Variants in GUCY1A2 observed in about 807,000 individuals in gnomAD.
GUCY1A2 encodes the protein guanylate cyclase 1 soluble subunit alpha 2, also known as guanylate cyclase soluble subunit alpha-2.
GUCY1A2 carries 27 observed loss-of-function variants against 63.5 expected under a neutral mutation model. The ratio of observed to expected loss-of-function variants is 0.43; its 90% CI spans 0.31 to 0.59. The LOEUF (loss-of-function observed/expected upper bound fraction) is 0.59. Among genes scored for constraint, GUCY1A2 ranks in the 20% least tolerant of loss-of-function variants. GUCY1A2 has a pLI of 0.11. For synonymous variants in GUCY1A2, 364 were observed against 343.5 expected (o/e 1.06, Z -0.66); for missense variants, 768 against 913.3 (o/e 0.84, Z 2.05).
intron 4 of GUCY1A2, among the ~76,000 whole-genome samples, chr11:106,908,059 C>T (rs975685906): frequency 1.3e-5 from 2 of 152,032 alleles, no homozygotes; most frequent in African/African-American, 4.8e-5. Context: ...GTATAACACA[C>T]ATCTAAATAT....
At chr11:106,910,531 C>T (rs1423335012) in intron 4 of GUCY1A2, among the ~76,000 whole-genome samples, 2 of 152,070 alleles carry the variant, frequency 1.3e-5, no homozygotes, top group Non-Finnish European at 2.9e-5. Flanking sequence ...ATGACTATGG[C>T]TCCACGACAA....
intron 4 of GUCY1A2, among the ~76,000 whole-genome samples, chr11:106,909,392 C>CGTGTGTGTGTGTGTGTGTGT (rs1408056529): frequency 1.4e-4 from 19 of 135,610 alleles, no homozygotes; most frequent in South Asian, 2.6e-4. Context: ...TGTGTGTGTA[C>CGTGTGTGTGTGTGTGTGTGT]GCTTTTCATT....
chr11:106,827,992 ATC>A, intron 4 of GUCY1A2: 1 of 724,756 alleles, frequency 1.4e-6, no homozygotes, highest in Non-Finnish European at 2.5e-6. Context: ...CCGGTGCCTT[ATC>A]CAGAGAATCC....
intron 6 of GUCY1A2, among the ~76,000 whole-genome samples, chr11:106,766,105 C>T (rs1486656328): frequency 2.6e-5 from 4 of 152,080 alleles, no homozygotes; most frequent in Non-Finnish European, 5.9e-5. Context: ...TACCATATGC[C>T]TGACATGACA....
intron 1 of GUCY1A2, among the ~76,000 whole-genome samples, chr11:107,004,274 T>G (rs937770078): frequency 2.0e-5 from 3 of 152,196 alleles, no homozygotes; most frequent in African/African-American, 7.2e-5. Flanking sequence ...ATTCCAACCT[T>G]ATTTCCGTCA....
At chr11:106,819,610 C>A (rs1161712422) in intron 4 of GUCY1A2, among the ~76,000 whole-genome samples, 1 of 152,112 alleles carries the variant, frequency 6.6e-6, no homozygotes, top group Non-Finnish European at 1.5e-5. Context: ...AAGGTATATA[C>A]ATTTTTCAGA....
intron 6 of GUCY1A2, among the ~76,000 whole-genome samples, chr11:106,761,171 C>T (rs1591265349): frequency 6.6e-6 from 1 of 152,266 alleles, no homozygotes; most frequent in East Asian, 1.9e-4. Flanking sequence ...TGTTCAGATC[C>T]TATTGCTAAC....
At chr11:107,000,110 G>C (rs1166189797) in intron 1 of GUCY1A2, among the ~76,000 whole-genome samples, 4 of 152,094 alleles carry the variant, frequency 2.6e-5, no homozygotes, top group Non-Finnish European at 5.9e-5. Flanking sequence ...AGGAAAGTTA[G>C]GTTTATAAAT....
At chr11:106,895,898 T>C (rs1240772916) in intron 4 of GUCY1A2, among the ~76,000 whole-genome samples, 1 of 151,738 alleles carries the variant, frequency 6.6e-6, no homozygotes, top group Non-Finnish European at 1.5e-5. Flanking sequence ...CTTGGGCCTA[T>C]AATCCCAGCT....
intron 6 of GUCY1A2, among the ~76,000 whole-genome samples, chr11:106,737,391 C>G (rs1863609472): frequency 6.6e-6 from 1 of 151,786 alleles, no homozygotes; most frequent in African/African-American, 2.4e-5. Context: ...TAGAGTGGAC[C>G]ATCTCTTTTT....
At chr11:106,867,543 A>C (rs1464595700) in intron 4 of GUCY1A2, among the ~76,000 whole-genome samples, 1 of 152,068 alleles carries the variant, frequency 6.6e-6, no homozygotes, top group East Asian at 1.9e-4. Flanking sequence ...GTTTTAGTAC[A>C]TCCTCATCCA....
intron 4 of GUCY1A2, among the ~76,000 whole-genome samples, chr11:106,936,177 A>G (rs1417641479): frequency 6.6e-6 from 1 of 152,190 alleles, no homozygotes; most frequent in Non-Finnish European, 1.5e-5. Context: ...AAGCTTTGTA[A>G]TCTATATCAG....
rs1434788425 is a variant in GUCY1A2 at position 106,687,488 on chromosome 11, C to A, written c.*61G>T. ...AGAGACACAATCTCTTTCCACCCCCCATTGGTGACCCATGTTCTGGGCTTG... is the reference window on the plus strand; with the variant it reads ...AGAGACACAATCTCTTTCCACCCCCAATTGGTGACCCATGTTCTGGGCTTG... On this transcript the variant is annotated 3_prime_UTR_variant, in exon 8 of 8. Coordinates refer to ENST00000526355, the MANE Select transcript of GUCY1A2 (RefSeq NM_000855.3). 7.6e-6 allele frequency: 9 copies of A among 1,183,016 alleles called. No homozygotes were observed. The highest frequency in any genetic ancestry group is 4.3e-4 in the Middle Eastern group (2 of 4,654). 73.3% of individuals were successfully genotyped at this position (1,183,016 alleles called of 1,614,324 possible). A position where few individuals can be genotyped will look rare whatever the true frequency, so the allele number is the denominator to read the frequency against.
At chr11:106,736,322 A>C (rs1305297937) in intron 6 of GUCY1A2, among the ~76,000 whole-genome samples, 1 of 152,170 alleles carries the variant, frequency 6.6e-6, no homozygotes, top group African/African-American at 2.4e-5. Context: ...GGTGAGAGAC[A>C]GTGGTCCAGT....
intron 1 of GUCY1A2, among the ~76,000 whole-genome samples, chr11:107,003,901 C>A (rs1214996132): frequency 2.0e-5 from 3 of 152,100 alleles, no homozygotes; most frequent in African/African-American, 7.2e-5. Flanking sequence ...CAGAATTGGG[C>A]ACAAGGAGAA....
chr11:106,995,995 A>AG (rs57158022), intron 1 of GUCY1A2, among the ~76,000 whole-genome samples: 152,061 of 152,360 alleles, frequency 1, 75,889 homozygotes, highest in Middle Eastern at 1. Flanking sequence ...CTGAGAATAA[A>AG]GAAGTAATAT....
chr11:106,896,115 T>C (rs1248461631), intron 4 of GUCY1A2, among the ~76,000 whole-genome samples: 1 of 151,672 alleles, frequency 6.6e-6, no homozygotes, highest in Non-Finnish European at 1.5e-5. Context: ...AATGTAAGTA[T>C]ACACCACAAC....
chr11:107,001,081 C>T (rs1200947378), intron 1 of GUCY1A2, among the ~76,000 whole-genome samples: 1 of 152,148 alleles, frequency 6.6e-6, no homozygotes, highest in Admixed American at 6.5e-5. Flanking sequence ...AATTTTTCTT[C>T]CACAAGTTCT....
chr11:106,676,076 T>G lies in GUCY1A2; in HGVS notation c.*11473A>C, dbSNP rs899710048. On this transcript the variant is annotated 3_prime_UTR_variant, in exon 8 of 8. Transcript: ENST00000526355. ...ATAATTTTCTATTAACACAAACTTATGTCATGAAGATAATTAAGTGGTTTG... is the reference window on the plus strand; with the variant it reads ...ATAATTTTCTATTAACACAAACTTAGGTCATGAAGATAATTAAGTGGTTTG... The G allele has an allele frequency of 1.6e-5, 3 of 183,396 alleles. No homozygotes were observed. The highest frequency in any genetic ancestry group is 3.5e-5 in the Non-Finnish European group (3 of 86,282). The allele number at this position is 183,396 out of a possible 1,614,324, so 11.4% of individuals were successfully genotyped here. A position where few individuals can be genotyped will look rare whatever the true frequency, so the allele number is the denominator to read the frequency against.
Sources: gnomAD v4.1 joint callset for allele counts (sites outside exome capture counted in the v4.1 genomes callset) on GRCh38, gnomAD v4.1.1 for gene constraint, MANE v1.5 for transcripts, NCBI Gene and HGNC (gene_info 2026-07-23, HGNC 2026-07-21) for gene names.